SPAG16: variants seen among roughly 807,000 people sequenced by gnomAD.
SPAG16 encodes the protein sperm-associated antigen 16 protein.
SPAG16 carries 86 observed loss-of-function variants against 80.4 expected under a neutral mutation model. The observed-to-expected ratio is 1.07, with a 90% confidence interval of 0.90 to 1.28. The LOEUF (loss-of-function observed/expected upper bound fraction) is 1.28, where lower values mean the gene tolerates loss of function less well. SPAG16 is among the 50% of genes most tolerant of loss of function. The pLI, the probability that SPAG16 is intolerant of heterozygous loss-of-function variation, is 0.00. For missense variants in SPAG16, 870 were observed against 765.3 expected (o/e 1.14, Z -1.61); for synonymous variants, 294 against 265.9 (o/e 1.11, Z -1.03).
At chr2:214,351,758 T>C (rs1576853436) in intron 15 of SPAG16, among the ~76,000 whole-genome samples, 1 of 125,740 alleles carries the variant, frequency 8.0e-6, no homozygotes. Context: ...CAGTGATGCA[T>C]GGGAAAATTG....
intron 12 of SPAG16, among the ~76,000 whole-genome samples, chr2:213,934,728 C>A (rs990317040): frequency 6.6e-6 from 1 of 152,190 alleles, no homozygotes; most frequent in African/African-American, 2.4e-5. Flanking sequence ...GTAGCAGGTA[C>A]TATTTCCTCA....
intron 9 of SPAG16, among the ~76,000 whole-genome samples, chr2:213,425,018 G>T (rs957677516): frequency 6.6e-6 from 1 of 152,170 alleles, no homozygotes; most frequent in Non-Finnish European, 1.5e-5. Context: ...CAAAGTAAGA[G>T]TATATATGAA....
At chr2:214,135,012 A>G (rs1576314423) in intron 14 of SPAG16, among the ~76,000 whole-genome samples, 1 of 152,170 alleles carries the variant, frequency 6.6e-6, no homozygotes, top group African/African-American at 2.4e-5. Context: ...ATCTTCATCT[A>G]TCTAAAACAT....
rs2071866191 is a variant in SPAG16, at chr2:213,454,177, T to G, written c.943-35786T>G. Among the ~76,000 whole-genome samples the G allele has an allele frequency of 3.3e-5, 5 of 152,294 alleles. No individual in the cohort carries two copies. The South Asian group carries it at 1.0e-3, about 32-fold the overall frequency. On this transcript the variant is annotated intron_variant, in intron 9 of 15. Coordinates refer to ENST00000331683, the MANE Select transcript of SPAG16 (RefSeq NM_024532.5). The stretch of plus-strand genomic sequence containing the variant: ...GCCACATAATCTACAGCTTTTTCTC[T>G]CTTCTCTATGTAGATTATAATAGTT...
intron 15 of SPAG16, among the ~76,000 whole-genome samples, chr2:214,173,332 C>A (rs1460439910): frequency 6.6e-6 from 1 of 151,964 alleles, no homozygotes; most frequent in Non-Finnish European, 1.5e-5. Context: ...CCAGTTTTCC[C>A]AGCACCATTT....
At chr2:213,705,284 A>G (rs566260834) in intron 10 of SPAG16, among the ~76,000 whole-genome samples, 39 of 148,574 alleles carry the variant, frequency 2.6e-4, no homozygotes, top group African/African-American at 8.1e-4. Context: ...GGGAGGGAGG[A>G]AGGGAGGGAG....
chr2:213,552,938 C>T (rs1026952717), intron 10 of SPAG16, among the ~76,000 whole-genome samples: 1 of 152,164 alleles, frequency 6.6e-6, no homozygotes, highest in African/African-American at 2.4e-5. Flanking sequence ...TGGACCTACA[C>T]CAGTGGTTTG....
Position 213,317,311 on chromosome 2 carries a change from A to G in SPAG16, c.491A>G (p.Asn164Ser), listed in dbSNP as rs1575173770. 6.2e-7 allele frequency: 1 copy of G among 1,611,344 alleles called. No individual in the cohort carries two copies. The highest frequency in any genetic ancestry group is 8.5e-7 in the Non-Finnish European group (1 of 1,178,358). ...CAGATTATGCTTTTGGAAAATGAGA[A>G]CAAAAATTTAAAGAAAGATTTGAAG... Reference protein sequence around the residue: ...YTQIMLLENENKNLKKDLKHY... With the variant: ...YTQIMLLENESKNLKKDLKHY... The change falls in exon 5 of 16, where the codon AAC becomes AGC. Residue 164 changes from asparagine (N) to serine (S), a missense_variant. Coordinates refer to ENST00000331683, the MANE Select transcript of SPAG16 (RefSeq NM_024532.5).
chr2:214,278,000 C>T (rs1201903474), intron 15 of SPAG16, among the ~76,000 whole-genome samples: 14 of 152,188 alleles, frequency 9.2e-5, no homozygotes, highest in Non-Finnish European at 2.1e-4. Context: ...TTTACCTACT[C>T]AAGCCTCAGC....
chr2:213,964,677 C>T (rs2044617367), intron 12 of SPAG16, among the ~76,000 whole-genome samples: 1 of 152,046 alleles, frequency 6.6e-6, no homozygotes, highest in Non-Finnish European at 1.5e-5. Flanking sequence ...TCTACACATC[C>T]AGAAAGCCCA....
rs977227909 is a variant in SPAG16, at chr2:214,081,600, A to C, written c.1528-26596A>C. Among the ~76,000 whole-genome samples the C allele has an allele frequency of 2.6e-5, 4 of 152,288 alleles. No individual in the cohort carries two copies. The East Asian group carries it at 7.7e-4, about 29-fold the overall frequency. ...TCACCAGAAACTAACAGAGAGACAT[A>C]ACATTCTCCCTCAGAGACCTCACAA... On this transcript the variant is annotated intron_variant, in intron 13 of 15. Coordinates refer to ENST00000331683, the MANE Select transcript of SPAG16 (RefSeq NM_024532.5).
intron 9 of SPAG16, among the ~76,000 whole-genome samples, chr2:213,398,039 A>G (rs540180000): frequency 1.1e-4 from 16 of 152,278 alleles, no homozygotes; most frequent in African/African-American, 3.4e-4. Flanking sequence ...AAAAAACTCT[A>G]GAGTCATCCC....
chr2:214,282,232 ATAAAT>A (rs1693001551), intron 15 of SPAG16, among the ~76,000 whole-genome samples: 2 of 152,192 alleles, frequency 1.3e-5, no homozygotes, highest in African/African-American at 2.4e-5. Context: ...CCAAAATATC[ATAAAT>A]TAAACATAAA....
intron 1 of SPAG16, among the ~76,000 whole-genome samples, chr2:213,286,947 GAA>G (rs963963180): frequency 6.6e-6 from 1 of 152,144 alleles, no homozygotes; most frequent in African/African-American, 2.4e-5. Context: ...CTGGGTTCAG[GAA>G]AAAGAGTTCT....
intron 10 of SPAG16, among the ~76,000 whole-genome samples, chr2:213,528,418 G>A (rs1168183522): frequency 3.9e-5 from 6 of 151,916 alleles, no homozygotes; most frequent in African/African-American, 7.3e-5. Flanking sequence ...TACCAAAATC[G>A]CATATATTAA....
intron 14 of SPAG16, among the ~76,000 whole-genome samples, chr2:214,109,142 T>C (rs2053545710): frequency 6.6e-6 from 1 of 152,140 alleles, no homozygotes; most frequent in East Asian, 1.9e-4. Flanking sequence ...GAAATGATGG[T>C]GCCATGCTCT....
At chr2:213,884,023 T>C (rs761623694) in intron 11 of SPAG16, among the ~76,000 whole-genome samples, 4 of 152,192 alleles carry the variant, frequency 2.6e-5, no homozygotes, top group Non-Finnish European at 5.9e-5. Context: ...TTAGTATGGA[T>C]ATGTGAGATT....
chr2:214,149,195 G>C lies in SPAG16; in HGVS notation c.1649G>C (p.Arg550Pro). 3 of 1,596,006 alleles carry C rather than the reference G, an allele frequency of 1.9e-6. No homozygotes were observed. Among genetic ancestry groups the C allele is most frequent in the Non-Finnish European group, 2.6e-6 (3 of 1,170,722 alleles). ...ACGVTKLWDF[R>P]KLLPIVSIDI... ...GGGGTTACAAAGCTGTGGGACTTTC[G>C]GAAGCTGTTACCAATTGTGTCCATC... Residue 550 changes from arginine (R) to proline (P), a missense_variant, in exon 15 of 16, where the codon CGG becomes CCG. Physicochemically the swap from Arg to Pro is moderately radical, Grantham distance 103. Transcript: ENST00000331683.
At chr2:213,891,747 T>C (rs549889794) in intron 11 of SPAG16, among the ~76,000 whole-genome samples, 18 of 152,074 alleles carry the variant, frequency 1.2e-4, no homozygotes, top group African/African-American at 3.6e-4. Flanking sequence ...AGAAGTGTAA[T>C]ATTAATAACT....
Sources: allele counts gnomAD v4.1 joint callset (sites outside exome capture counted in the v4.1 genomes callset), GRCh38; gene constraint gnomAD v4.1.1; transcripts MANE v1.5; gene names NCBI Gene and HGNC (gene_info 2026-07-23, HGNC 2026-07-21).